Variants in CTTNBP2 observed in about 807,000 individuals in gnomAD.
CTTNBP2 encodes cortactin-binding protein 2.
A neutral mutation model predicts 156.9 loss-of-function variants in CTTNBP2; 108 were observed. That is an observed-to-expected ratio of 0.69 (90% CI 0.59 to 0.81). CTTNBP2 has a LOEUF of 0.81. CTTNBP2 is among the 30% of genes least tolerant of loss of function. The probability of loss-of-function intolerance (pLI) is 0.00; values close to 1 mark genes in which losing one functional copy is unlikely to be tolerated. For missense variants in CTTNBP2, 1,924 were observed against 2,035.4 expected (o/e 0.95, Z 1.05); for synonymous variants, 767 against 751.8 (o/e 1.02, Z -0.33).
chr7:117,812,338 C>A (rs983353006), intron 2 of CTTNBP2, among the ~76,000 whole-genome samples: 3 of 151,934 alleles, frequency 2.0e-5, no homozygotes, highest in Admixed American at 2.0e-4. Context: ...ATAAATCAAG[C>A]TTATTTGTCC....
chr7:117,750,272 A>C (rs1254617686), intron 12 of CTTNBP2, among the ~76,000 whole-genome samples: 1 of 152,196 alleles, frequency 6.6e-6, no homozygotes, highest in Non-Finnish European at 1.5e-5. Context: ...CTTCATAAAG[A>C]AGCTGTCTTT....
intron 8 of CTTNBP2, among the ~76,000 whole-genome samples, chr7:117,775,446 T>C (rs1798041876): frequency 6.6e-6 from 1 of 151,750 alleles, no homozygotes; most frequent in Non-Finnish European, 1.5e-5. Flanking sequence ...AAAAGATTCA[T>C]AGTTAAGGAG....
At position 117,745,924 on chromosome 7, in the gene CTTNBP2, G is replaced by C; in HGVS notation, c.3442C>G (p.Gln1148Glu). 4 of 1,614,030 alleles carry C rather than the reference G, an allele frequency of 2.5e-6. No homozygotes were observed. Among genetic ancestry groups the C allele is most frequent in the Non-Finnish European group, 3.4e-6 (4 of 1,179,908 alleles). ...HQLALCLKHR[Q>E]MAAGFSCEIV... ...TCACAGGAGAATCCTGCAGCCATTT[G>C]TCTGTGCTGTGATAAGAAAATAGGG... is the stretch of plus-strand genomic sequence containing the variant. Residue 1148 changes from glutamine (Q) to glutamate (E), a missense_variant, in exon 14 of 23, where the codon CAA (glutamine) becomes GAA (glutamate). Physicochemically the swap from Gln to Glu is conservative, Grantham distance 29. Transcript: ENST00000160373.
At chr7:117,732,649 CA>C (rs397710322) in intron 16 of CTTNBP2, among the ~76,000 whole-genome samples, 658 of 43,068 alleles carry the variant, frequency 0.015, 3 homozygotes, top group Non-Finnish European at 0.021. Context: ...GACTCCGTCT[CA>C]AAAAAAAAAA....
chr7:117,731,626 A>G (rs1795404138), intron 16 of CTTNBP2, among the ~76,000 whole-genome samples: 1 of 152,202 alleles, frequency 6.6e-6, no homozygotes, highest in Admixed American at 6.5e-5. Context: ...GGTCCTTTCA[A>G]CCTTAGTACT....
chr7:117,826,294 A>G (rs1801275249), intron 2 of CTTNBP2, among the ~76,000 whole-genome samples: 1 of 152,148 alleles, frequency 6.6e-6, no homozygotes, highest in African/African-American at 2.4e-5. Flanking sequence ...TAAATAATAA[A>G]TCTTTTCAAG....
intron 10 of CTTNBP2, 172 bp from the exon 11 acceptor site, chr7:117,758,142 ATTCTTG>A: frequency 1.8e-6 from 1 of 559,150 alleles, no homozygotes; most frequent in Non-Finnish European, 3.1e-6. Flanking sequence ...CCCTAATGAA[ATTCTTG>A]TTGAAGGTTG....
chr7:117,831,278 C>T (rs995112742), intron 2 of CTTNBP2, among the ~76,000 whole-genome samples: 6 of 152,128 alleles, frequency 3.9e-5, no homozygotes, highest in Non-Finnish European at 5.9e-5. Flanking sequence ...TTCATCATGA[C>T]TACACAAAGA....
chr7:117,768,565 C>CAAAAAAAA (rs747773487), intron 8 of CTTNBP2, among the ~76,000 whole-genome samples: 23 of 55,506 alleles, frequency 4.1e-4, no homozygotes, highest in Non-Finnish European at 5.9e-4. Context: ...GACTCTGTCT[C>CAAAAAAAA]AAAAAAAAAA....
At chr7:117,854,770 T>A (rs1401229817) in intron 2 of CTTNBP2, among the ~76,000 whole-genome samples, 7 of 151,366 alleles carry the variant, frequency 4.6e-5, no homozygotes, top group African/African-American at 1.7e-4. Flanking sequence ...ATAGATGATT[T>A]AATTAATTAA....
At chr7:117,731,765 T>A (rs1233973262) in intron 16 of CTTNBP2, among the ~76,000 whole-genome samples, 1 of 152,012 alleles carries the variant, frequency 6.6e-6, no homozygotes, top group Non-Finnish European at 1.5e-5. Flanking sequence ...AAGCCCGGAG[T>A]TAGGTTTGGG....
chr7:117,855,447 C>T (rs1803237082), intron 2 of CTTNBP2, among the ~76,000 whole-genome samples: 1 of 152,142 alleles, frequency 6.6e-6, no homozygotes, highest in Admixed American at 6.6e-5. Context: ...AATAGTCCCT[C>T]CTTGACTAGT....
intron 2 of CTTNBP2, among the ~76,000 whole-genome samples, chr7:117,835,549 C>T (rs758873787): frequency 1.3e-5 from 2 of 152,228 alleles, no homozygotes; most frequent in African/African-American, 2.4e-5. Context: ...TCTCTAGTCA[C>T]TTTCCTTTTT....
chr7:117,777,381 GTAAA>G (rs1265328674), intron 8 of CTTNBP2, 126 bp downstream of exon 8: 2 of 916,818 alleles, frequency 2.2e-6, no homozygotes, highest in African/African-American at 3.3e-5. Context: ...ATTTGTATTG[GTAAA>G]TAACATCTGC....
intron 19 of CTTNBP2, among the ~76,000 whole-genome samples, chr7:117,721,946 A>G (rs1000858281): frequency 6.6e-6 from 1 of 152,246 alleles, no homozygotes. Context: ...TGAATTCTAA[A>G]AATATTAATG....
rs2116301161 is a variant in CTTNBP2, at chr7:117,711,573, T to A, written c.4956A>T (p.Leu1652Phe). 6.2e-7 allele frequency: 1 copy of A among 1,613,782 alleles called. No individual in the cohort carries two copies. Among genetic ancestry groups the A allele is most frequent in the Non-Finnish European group, 8.5e-7 (1 of 1,179,894 alleles). The part of the protein sequence containing the change: ...NNNSKEVNWN[L>F]HKNEHLEKPN... ...GTTTTTCTAGGTGTTCATTTTTGTGTAAGTTCCAATTCACTTCTTTTGAGT... is the reference window on the plus strand; with the variant it reads ...GTTTTTCTAGGTGTTCATTTTTGTGAAAGTTCCAATTCACTTCTTTTGAGT... Residue 1652 changes from leucine (L) to phenylalanine (F), a missense_variant, in exon 23 of 23, where the codon TTA (leucine) becomes TTT (phenylalanine). By Grantham distance (22) the Leu-to-Phe change is conservative. Transcript: ENST00000160373.
chr7:117,781,393 AT>A (rs939334216), intron 6 of CTTNBP2, among the ~76,000 whole-genome samples: 6 of 152,040 alleles, frequency 3.9e-5, no homozygotes, highest in South Asian at 2.1e-4. Flanking sequence ...TGATTTATAC[AT>A]TTTTTTTAAA....
At position 117,834,480 on chromosome 7, in the gene CTTNBP2, C is replaced by CT. The variant is rs968956134; in HGVS notation, c.190-23492dup. On this transcript the variant is annotated intron_variant, in intron 2 of 22. Transcript: ENST00000160373. Reference sequence around the variant, plus strand: ...TGAACTGAGAACTTATGCTAATATCCTTTTTTTCCCTATTTATGACTCCTT... The same window carrying CT: ...TGAACTGAGAACTTATGCTAATATCCTTTTTTTTCCCTATTTATGACTCCTT... 3.5e-4 allele frequency among the ~76,000 whole-genome samples: 54 copies of CT among 152,264 alleles called. 1 individual carries two copies. The highest frequency in any genetic ancestry group is 6.0e-4 in the Non-Finnish European group (41 of 68,026).
intron 2 of CTTNBP2, among the ~76,000 whole-genome samples, chr7:117,834,690 A>G (rs2117096891): frequency 6.6e-6 from 1 of 152,392 alleles, no homozygotes; most frequent in Admixed American, 6.5e-5. Flanking sequence ...TAGTATTGAT[A>G]AATGAACACA....
Sources: allele counts gnomAD v4.1 joint callset (sites outside exome capture counted in the v4.1 genomes callset), GRCh38; gene constraint gnomAD v4.1.1; transcripts MANE v1.5; gene names NCBI Gene and HGNC (gene_info 2026-07-23, HGNC 2026-07-21).